The following DYRK3 variants were observed in gnomAD, a reference collection of about 807,000 sequenced individuals.
The protein encoded by DYRK3 is dual specificity tyrosine-phosphorylation-regulated kinase 3.
DYRK3 carries 30 observed loss-of-function variants against 40.8 expected under a neutral mutation model. That is an observed-to-expected ratio of 0.74 (90% CI 0.55 to 1.00). The LOEUF is 1.00. Ranked by LOEUF, DYRK3 falls within the 50% of genes least tolerant of loss-of-function variation. DYRK3 has a pLI of 0.00. For synonymous variants in DYRK3, 272 were observed against 260.7 expected, an observed-to-expected ratio of 1.04 and a Z score of -0.42; for missense variants, 699 against 731.5, an observed-to-expected ratio of 0.96 and a Z score of 0.51.
chr1:206,639,386 G>C (rs930813305), intron 2 of DYRK3, among the ~76,000 whole-genome samples: 11 of 151,686 alleles, frequency 7.3e-5, no homozygotes, highest in Non-Finnish European at 1.5e-4. Flanking sequence ...GTTACTTGCT[G>C]CCAATTGGTT....
rs1313891545 is a variant in DYRK3 at position 206,651,541 on chromosome 1, C to A, written c.*2576C>A. Among the ~76,000 whole-genome samples, 15 of 152,202 alleles carry A rather than the reference C, an allele frequency of 9.9e-5. No individual in the cohort carries two copies. Among genetic ancestry groups the A allele is most frequent in the African/African-American group, 3.6e-4 (15 of 41,446 alleles). On this transcript the variant is annotated 3_prime_UTR_variant, in exon 3 of 3. Coordinates refer to ENST00000367109, the MANE Select transcript of DYRK3 (RefSeq NM_003582.4). The stretch of plus-strand genomic sequence containing the variant: ...CTTAGGGTGTAAAAGCTCATATCTA[C>A]TCAAAAAACTCAAATCTACTCTTTC...
intron 2 of DYRK3, among the ~76,000 whole-genome samples, chr1:206,639,962 T>C (rs1671239597): frequency 2.8e-5 from 4 of 141,350 alleles, no homozygotes. Context: ...TGAGACCGAG[T>C]CTCGCTCTCT....
intron 1 of DYRK3, chr1:206,636,736 T>G (rs1671123078): frequency 4.3e-6 from 2 of 467,746 alleles, no homozygotes; most frequent in Non-Finnish European, 7.7e-6. Context: ...ATATTCATAG[T>G]GTATCATGTA....
At position 206,637,679 on chromosome 1, in the gene DYRK3, T is replaced by G; in HGVS notation, c.107T>G (p.Met36Arg). Residue 36 changes from methionine (M) to arginine (R), a missense_variant, in exon 2 of 3, where the codon ATG (methionine) becomes AGG (arginine). Met to Arg is a moderately conservative substitution (Grantham distance 91). Coordinates refer to ENST00000367109, the MANE Select transcript of DYRK3 (RefSeq NM_003582.4). ...RLGDGVYDTF[M>R]MIDETKCPPC... ...GGGGATGGTGTCTATGACACCTTCA[T>G]GATGATAGATGAAACCAAATGTCCC... 1 of 1,614,058 alleles carries G rather than the reference T, an allele frequency of 6.2e-7. No homozygotes were observed. The highest frequency in any genetic ancestry group is 8.5e-7 in the Non-Finnish European group (1 of 1,179,956).
At position 206,647,552 on chromosome 1, in the gene DYRK3, T is replaced by C. The variant is rs201439310; in HGVS notation, c.354T>C (p.Gly118=). 73 of 1,613,984 alleles carry C rather than the reference T, an allele frequency of 4.5e-5. No homozygotes were observed. Among genetic ancestry groups the C allele is most frequent in the Non-Finnish European group, 5.6e-5 (66 of 1,180,040 alleles). Reference sequence around the variant, plus strand: ...AATGCTCTCCTACTGTTTCTCAGGGTAAAAGTTCAGATTGCTTGAATACAG... The same window carrying C: ...AATGCTCTCCTACTGTTTCTCAGGGCAAAAGTTCAGATTGCTTGAATACAG... ...SEKCSPTVSQ[G]KSSDCLNTVK... Residue 118 remains glycine, a synonymous_variant, in exon 3 of 3, where the codon GGT becomes GGC. Transcript: ENST00000367109.
rs1267994322 is a variant in DYRK3, at chr1:206,635,748, G to A, written c.45G>A (p.Pro15=). ...ARGPGRKDAG[P]PGAGLPPQQR... The stretch of plus-strand genomic sequence containing the variant: ...GGCCTGGGCGGAAGGATGCGGGGCC[G>A]CCTGGGGCCGGGCTCCCGCCCCAGC... The change falls in exon 1 of 3, where the codon CCG becomes CCA. Residue 15 remains proline (P), a synonymous_variant. Transcript: ENST00000367109. 2.4e-6 allele frequency: 3 copies of A among 1,244,954 alleles called. No individual in the cohort carries two copies. Among genetic ancestry groups the A allele is most frequent in the South Asian group, 4.0e-5 (1 of 25,022 alleles). The allele number at this position is 1,244,954 out of a possible 1,614,324, so 77.1% of individuals were successfully genotyped here.
chr1:206,650,644 G>A lies in DYRK3; in HGVS notation c.*1679G>A, dbSNP rs1323744501. On this transcript the variant is annotated 3_prime_UTR_variant, in exon 3 of 3. Coordinates refer to ENST00000367109, the MANE Select transcript of DYRK3 (RefSeq NM_003582.4). Reference sequence around the variant, plus strand: ...TCCATTTATTATTCTAGAATGTGGTGCAAACTCAATGACATTGGAAGAGAC... The same window carrying A: ...TCCATTTATTATTCTAGAATGTGGTACAAACTCAATGACATTGGAAGAGAC... Among the ~76,000 whole-genome samples, 2 of 152,194 alleles carry A rather than the reference G, an allele frequency of 1.3e-5. No individual in the cohort carries two copies. Among genetic ancestry groups the A allele is most frequent in the South Asian group, 2.1e-4 (1 of 4,830 alleles).
chr1:206,645,092 T>C (rs1671411270), intron 2 of DYRK3, among the ~76,000 whole-genome samples: 1 of 152,240 alleles, frequency 6.6e-6, no homozygotes. Flanking sequence ...AGCAGGACTT[T>C]TATAACTGAA....
rs1572455349 is a variant in DYRK3, at chr1:206,653,706, A to G, written c.*4741A>G. On this transcript the variant is annotated 3_prime_UTR_variant, in exon 3 of 3. Transcript: ENST00000367109. ...AGTTACCTTGATAATAATGAAAAAAAAATGAATACCACCAAAACCTAACTA... is the reference window on the plus strand; with the variant it reads ...AGTTACCTTGATAATAATGAAAAAAGAATGAATACCACCAAAACCTAACTA... Among the ~76,000 whole-genome samples the G allele has an allele frequency of 5.3e-5, 8 of 152,344 alleles. 1 individual carries two copies. Among genetic ancestry groups the G allele is most frequent in the African/African-American group, 1.9e-4 (8 of 41,586 alleles).
In DYRK3 at chr1:206,652,370, G is replaced by C. The variant is rs1671654126; in HGVS notation, c.*3405G>C. 6.6e-6 allele frequency among the ~76,000 whole-genome samples: 1 copy of C among 152,176 alleles called. No homozygotes were observed. Among genetic ancestry groups the C allele is most frequent in the Admixed American group, 6.5e-5 (1 of 15,278 alleles). On this transcript the variant is annotated 3_prime_UTR_variant, in exon 3 of 3. Transcript: ENST00000367109. ...TTTAGTGAGAGTTCTAGCCAGTACTGTGCCTGAACTTGGGAGAGAAAGGGG... is the reference window on the plus strand; with the variant it reads ...TTTAGTGAGAGTTCTAGCCAGTACTCTGCCTGAACTTGGGAGAGAAAGGGG...
intron 2 of DYRK3, among the ~76,000 whole-genome samples, chr1:206,639,131 G>C (rs550704539): frequency 6.6e-6 from 1 of 151,994 alleles, no homozygotes; most frequent in Non-Finnish European, 1.5e-5. Flanking sequence ...CACTTCCCTC[G>C]GCCTCTGGAA....
chr1:206,652,549 A>G lies in DYRK3; in HGVS notation c.*3584A>G, dbSNP rs1285473720. Among the ~76,000 whole-genome samples the G allele has an allele frequency of 6.6e-6, 1 of 152,208 alleles. No homozygotes were observed. The highest frequency in any genetic ancestry group is 1.5e-5 in the Non-Finnish European group (1 of 68,036). ...AAGGCAAATGGATGTTTCTGCCTCA[A>G]TTTGGCAACCGAGAGAGTGATGCAG... is the stretch of plus-strand genomic sequence containing the variant. On this transcript the variant is annotated 3_prime_UTR_variant, in exon 3 of 3. Transcript: ENST00000367109.
At chr1:206,645,382 T>C (rs1342934777) in intron 2 of DYRK3, among the ~76,000 whole-genome samples, 3 of 152,192 alleles carry the variant, frequency 2.0e-5, no homozygotes, top group African/African-American at 4.8e-5. Context: ...TCAGGGTCCA[T>C]TGAGAAAAAC....
chr1:206,635,933 CCTCT>C (rs1180018098), intron 1 of DYRK3, 153 bp downstream of exon 1: 14 of 1,316,082 alleles, frequency 1.1e-5, no homozygotes, highest in Non-Finnish European at 1.1e-5. Context: ...GCCCCCACCT[CCTCT>C]CTATCAGGGC....
intron 2 of DYRK3, among the ~76,000 whole-genome samples, chr1:206,641,350 G>A (rs1190386105): frequency 6.6e-6 from 1 of 150,844 alleles, no homozygotes; most frequent in Non-Finnish European, 1.5e-5. Context: ...TTCCATTTCT[G>A]AGTTACTTCA....
In DYRK3 at chr1:206,652,560, G is replaced by C. The variant is rs185340527; in HGVS notation, c.*3595G>C. Among the ~76,000 whole-genome samples the C allele has an allele frequency of 2.6e-5, 4 of 152,190 alleles. No homozygotes were observed. The highest frequency in any genetic ancestry group is 4.4e-5 in the Non-Finnish European group (3 of 68,034). On this transcript the variant is annotated 3_prime_UTR_variant, in exon 3 of 3. Coordinates refer to ENST00000367109, the MANE Select transcript of DYRK3 (RefSeq NM_003582.4). The stretch of plus-strand genomic sequence containing the variant: ...ATGTTTCTGCCTCAATTTGGCAACC[G>C]AGAGAGTGATGCAGAGCAGAGTCAT...
At chr1:206,637,498 C>G (rs1671149010) in intron 1 of DYRK3, 152 bp from the exon 2 acceptor site, 2 of 565,600 alleles carry the variant, frequency 3.5e-6, no homozygotes, top group Non-Finnish European at 6.2e-6. Flanking sequence ...TGTACCTCTT[C>G]CAAATACCCC....
At chr1:206,640,727 T>A (rs1412719785) in intron 2 of DYRK3, among the ~76,000 whole-genome samples, 2 of 152,064 alleles carry the variant, frequency 1.3e-5, no homozygotes, top group African/African-American at 4.8e-5. Context: ...ATTTTTTGTA[T>A]TTTTAGTAGA....
chr1:206,645,670 C>T (rs1322620382), intron 2 of DYRK3, among the ~76,000 whole-genome samples: 1 of 147,626 alleles, frequency 6.8e-6, no homozygotes, highest in Non-Finnish European at 1.5e-5. Context: ...TGCATCCATG[C>T]ATCACATCTG....
Sources: allele counts gnomAD v4.1 joint callset (sites outside exome capture counted in the v4.1 genomes callset), GRCh38; gene constraint gnomAD v4.1.1; transcripts MANE v1.5; gene names NCBI Gene and HGNC (gene_info 2026-07-23, HGNC 2026-07-21).